The following POFUT3 variants were observed in gnomAD, a reference collection of about 807,000 sequenced individuals.
The protein encoded by POFUT3 is protein O-fucosyltransferase 3.
the POFUT3 span, among the ~76,000 whole-genome samples, chr8:33,391,762 T>G: frequency 6.6e-6 from 1 of 152,026 alleles, no homozygotes; most frequent in African/African-American, 2.4e-5. Flanking sequence ...AGGTGTGAGA[T>G]GAGAGATTAA....
the POFUT3 span, among the ~76,000 whole-genome samples, chr8:33,411,780 C>T: frequency 6.6e-6 from 1 of 151,942 alleles, no homozygotes; most frequent in Non-Finnish European, 1.5e-5. Context: ...AAGAGTGAAA[C>T]TCCATCTCAA....
chr8:33,381,323 T>C, the POFUT3 span, among the ~76,000 whole-genome samples: 27 of 152,322 alleles, frequency 1.8e-4, no homozygotes, highest in South Asian at 5.0e-3. Context: ...AAATCCTTTT[T>C]TCCTAGAAGC....
the POFUT3 span, among the ~76,000 whole-genome samples, chr8:33,428,678 T>C: frequency 2.6e-5 from 4 of 152,304 alleles, no homozygotes; most frequent in African/African-American, 9.6e-5. Context: ...GGGTGTGGCC[T>C]AATGGGAGGT....
At chr8:33,332,239 T>C in the POFUT3 span, among the ~76,000 whole-genome samples, 4 of 145,986 alleles carry the variant, frequency 2.7e-5, no homozygotes, top group African/African-American at 1.0e-4. Flanking sequence ...ATCCCACCAC[T>C]TTGGGAGGCC....
chr8:33,408,593 C>A, the POFUT3 span, among the ~76,000 whole-genome samples: 1 of 152,064 alleles, frequency 6.6e-6, no homozygotes, highest in Non-Finnish European at 1.5e-5. Flanking sequence ...TATTCCATGT[C>A]ATATAAGTGT....
the POFUT3 span, among the ~76,000 whole-genome samples, chr8:33,366,015 A>C: frequency 6.6e-6 from 1 of 152,246 alleles, no homozygotes; most frequent in South Asian, 2.1e-4. Flanking sequence ...CCAAATGTCC[A>C]TCAATGATAG....
the POFUT3 span, chr8:33,370,785 G>T: frequency 6.6e-6 from 1 of 152,104 alleles, no homozygotes; most frequent in Non-Finnish European, 1.5e-5. Flanking sequence ...CACCTCTCAG[G>T]CTTTCTTTTG....
the POFUT3 span, among the ~76,000 whole-genome samples, chr8:33,365,588 G>A: frequency 6.6e-6 from 1 of 152,136 alleles, no homozygotes; most frequent in African/African-American, 2.4e-5. Context: ...ATCAAAAAGT[G>A]GACAAAGGAT....
chr8:33,444,291 AG>A, the POFUT3 span, among the ~76,000 whole-genome samples: 1 of 152,082 alleles, frequency 6.6e-6, no homozygotes, highest in South Asian at 2.1e-4. Flanking sequence ...AATGCACCCC[AG>A]TTGGAGCAAT....
chr8:33,336,531 A>T, the POFUT3 span, among the ~76,000 whole-genome samples: 1 of 152,190 alleles, frequency 6.6e-6, no homozygotes, highest in Non-Finnish European at 1.5e-5. Flanking sequence ...ACTGGGTCTC[A>T]TAAGCTAGTA....
At chr8:33,402,708 T>G in the POFUT3 span, among the ~76,000 whole-genome samples, 1 of 152,176 alleles carries the variant, frequency 6.6e-6, no homozygotes, top group Non-Finnish European at 1.5e-5. Context: ...AAAAAAAGAA[T>G]GAGACAGTAA....
At chr8:33,335,151 A>ATGTGTGTGTGTGTGTGTGTG in the POFUT3 span, among the ~76,000 whole-genome samples, 19 of 145,874 alleles carry the variant, frequency 1.3e-4, no homozygotes, top group Middle Eastern at 3.5e-3. Flanking sequence ...AAAGAAATAT[A>ATGTGTGTGTGTGTGTGTGTG]TGTGTGTGTG....
chr8:33,467,272 C>CAAAAAAAA, the POFUT3 span, among the ~76,000 whole-genome samples: 3 of 73,460 alleles, frequency 4.1e-5, no homozygotes, highest in African/African-American at 5.6e-5. Flanking sequence ...GACTCTGTCT[C>CAAAAAAAA]AAAAAAAAAA....
At chr8:33,382,866 G>A in the POFUT3 span, among the ~76,000 whole-genome samples, 2 of 152,078 alleles carry the variant, frequency 1.3e-5, no homozygotes, top group Admixed American at 1.3e-4. Flanking sequence ...CCTGCACAGG[G>A]CTCTGACCAA....
chr8:33,446,570 A>G, the POFUT3 span, among the ~76,000 whole-genome samples: 1 of 152,106 alleles, frequency 6.6e-6, no homozygotes, highest in Admixed American at 6.6e-5. Flanking sequence ...AAGGAAGCTA[A>G]TGAGGCTTTC....
At chr8:33,389,862 C>A in the POFUT3 span, 1 of 1,173,576 alleles carries the variant, frequency 8.5e-7, no homozygotes, top group Non-Finnish European at 1.2e-6. Context: ...TTGGGTCTAC[C>A]TGGTAAGATT....
chr8:33,453,186 A>G, the POFUT3 span: 17 of 1,604,892 alleles, frequency 1.1e-5, no homozygotes, highest in Non-Finnish European at 1.4e-5. Context: ...ACCACAGCAA[A>G]CAAGGGAGAA....
At chr8:33,457,189 T>C in the POFUT3 span, among the ~76,000 whole-genome samples, 2 of 152,186 alleles carry the variant, frequency 1.3e-5, no homozygotes, top group Non-Finnish European at 2.9e-5. Flanking sequence ...GGCTCACACC[T>C]GTACTCCCAG....
At chr8:33,392,473 G>A in the POFUT3 span, among the ~76,000 whole-genome samples, 4 of 151,744 alleles carry the variant, frequency 2.6e-5, no homozygotes, top group Non-Finnish European at 5.9e-5. Context: ...CAGCTACTCG[G>A]GAGGCTGAGG....
Sources: allele counts gnomAD v4.1 joint callset (sites outside exome capture counted in the v4.1 genomes callset), GRCh38; gene constraint gnomAD v4.1.1; transcripts MANE v1.5; gene names NCBI Gene and HGNC (gene_info 2026-07-23, HGNC 2026-07-21).